Variants in ABHD15 observed in about 807,000 individuals in gnomAD.
The protein encoded by ABHD15 is protein ABHD15.
Under a neutral mutation model 34.4 loss-of-function variants are expected in ABHD15, and 34 were observed. The ratio of observed to expected loss-of-function variants is 0.99; its 90% CI spans 0.75 to 1.32. ABHD15 has a LOEUF of 1.32. Among genes scored for constraint, ABHD15 ranks in the 40% most tolerant of loss-of-function variants. The pLI is 0.00. For synonymous variants in ABHD15, 314 were observed against 299.2 expected (o/e 1.05, Z -0.51); for missense variants, 644 against 650.4 (o/e 0.99, Z 0.11).
chr17:29,566,629 A>G lies in ABHD15; in HGVS notation c.338T>C (p.Val113Ala), dbSNP rs2032719190. Residue 113 changes from valine (V) to alanine (A), a missense_variant, in exon 1 of 2, where the codon GTC (valine) becomes GCC (alanine). Coordinates refer to ENST00000307201, the MANE Select transcript of ABHD15 (RefSeq NM_198147.3). Reference sequence around the variant, plus strand: ...CTCAGGCCCAGGCGCTACGGGCAGGACGAAGTGGCAGAGGGTCTGCAGGTG... The same window carrying G: ...CTCAGGCCCAGGCGCTACGGGCAGGGCGAAGTGGCAGAGGGTCTGCAGGTG... ...GPHLQTLCHF[V>A]LPVAPGPELA... 1.9e-6 allele frequency: 3 copies of G among 1,607,624 alleles called. No homozygotes were observed. The highest frequency in any genetic ancestry group is 3.3e-5 in the Admixed American group (2 of 59,952).
Position 29,562,785 on chromosome 17 carries a change from G to A in ABHD15, c.1183C>T (p.Leu395=), listed in dbSNP as rs721478. 3.7e-6 allele frequency: 6 copies of A among 1,613,532 alleles called. No individual in the cohort carries two copies. The highest frequency in any genetic ancestry group is 1.1e-5 in the South Asian group (1 of 91,074). The change falls in exon 2 of 2, where the codon CTG becomes TTG. Residue 395 remains leucine, a synonymous_variant. Coordinates refer to ENST00000307201, the MANE Select transcript of ABHD15 (RefSeq NM_198147.3). ...CAGGCTGGCAAGGGCTCCTGGCGCAGGAAGCCACAGTGGCCTCCGTGGCGA... is the reference window on the plus strand; with the variant it reads ...CAGGCTGGCAAGGGCTCCTGGCGCAAGAAGCCACAGTGGCCTCCGTGGCGA... The part of the protein sequence containing the change: ...LSRHGGHCGF[L]RQEPLPAWSH...
Position 29,566,644 on chromosome 17 carries a change from G to A in ABHD15, c.323C>T (p.Thr108Ile), listed in dbSNP as rs997562937. Residue 108 changes from threonine to isoleucine, a missense_variant, in exon 1 of 2, where the codon ACC becomes ATC. Thr to Ile is a moderately conservative substitution (Grantham distance 89). Transcript: ENST00000307201. ...RSWFSGPHLQ[T>I]LCHFVLPVAP... is the part of the protein sequence containing the mutation. The stretch of plus-strand genomic sequence containing the variant: ...TACGGGCAGGACGAAGTGGCAGAGG[G>A]TCTGCAGGTGGGGCCCGGAGAACCA... 14 of 1,605,804 alleles carry A rather than the reference G, an allele frequency of 8.7e-6. No individual in the cohort carries two copies. The highest frequency in any genetic ancestry group is 1.2e-5 in the Non-Finnish European group (14 of 1,179,444).
intron 1 of ABHD15, among the ~76,000 whole-genome samples, chr17:29,565,731 C>T (rs1676008011): frequency 1.3e-5 from 2 of 152,178 alleles, no homozygotes; most frequent in South Asian, 4.1e-4. Flanking sequence ...CCAGAGTGCT[C>T]TTTGCTGAGC....
In ABHD15 at chr17:29,566,692, G is replaced by A. The variant is rs1234430227; in HGVS notation, c.275C>T (p.Ala92Val). 2 of 1,588,036 alleles carry A rather than the reference G, an allele frequency of 1.3e-6. No homozygotes were observed. The highest frequency in any genetic ancestry group is 1.7e-6 in the Non-Finnish European group (2 of 1,172,884). Residue 92 changes from alanine (A) to valine (V), a missense_variant, in exon 1 of 2, where the codon GCG (alanine) becomes GTG (valine). Transcript: ENST00000307201. Reference protein sequence around the residue: ...CLLRALRRSEALEAGPRSWFS... With the variant: ...CLLRALRRSEVLEAGPRSWFS... ...CCAGGAGCGCGGGCCGGCCTCCAGC[G>A]CCTCTGAGCGCCGCAGGGCGCGCAG...
chr17:29,562,546 C>T lies in ABHD15; in HGVS notation c.*15G>A. 1 of 1,603,808 alleles carries T rather than the reference C, an allele frequency of 6.2e-7. No individual in the cohort carries two copies. The highest frequency in any genetic ancestry group is 8.5e-7 in the Non-Finnish European group (1 of 1,173,790). On this transcript the variant is annotated 3_prime_UTR_variant, in exon 2 of 2. Transcript: ENST00000307201. ...TTTTTCTTTGCAGGACTTGGGGGTT[C>T]TCAGGCCAGGTCTTTCACCTTGTGT...
Position 29,566,452 on chromosome 17 carries a change from C to A in ABHD15, c.515G>T (p.Arg172Leu), listed in dbSNP as rs769028784. The change falls in exon 1 of 2, where the codon CGC becomes CTC. Residue 172 changes from arginine (R) to leucine (L), a missense_variant. Physicochemically the swap from Arg to Leu is moderately radical, Grantham distance 102 (BLOSUM62 -2). Transcript: ENST00000307201. ...GAGCAAGCAAAGGCCGAGCACGTTG[C>A]GGGTGAGGCGACCCCACGCATTGGG... ...VIPNAWGRLT[R>L]NVLGLCLLAL... is the part of the protein sequence containing the mutation. 8.7e-6 allele frequency: 14 copies of A among 1,612,172 alleles called. No individual in the cohort carries two copies. Among genetic ancestry groups the A allele is most frequent in the Non-Finnish European group, 1.1e-5 (13 of 1,179,804 alleles).
At position 29,562,612 on chromosome 17, in the gene ABHD15, G is replaced by A. The variant is rs763348862; in HGVS notation, c.1356C>T (p.Ser452=). 3 of 1,614,034 alleles carry A rather than the reference G, an allele frequency of 1.9e-6. No individual in the cohort carries two copies. The highest frequency in any genetic ancestry group is 1.7e-6 in the Non-Finnish European group (2 of 1,180,010). ...TAAAGATCTCCTCCAGGTTGGAAGA[G>A]GAAGAGACTTCCCGCCTCTGCAAGG... ...GGALQRREVS[S]SSNLEEIFNW... is the part of the protein sequence containing the mutation. The change falls in exon 2 of 2, where the codon TCC becomes TCT. Residue 452 remains serine, a synonymous_variant. Transcript: ENST00000307201.
At position 29,562,516 on chromosome 17, in the gene ABHD15, C is replaced by A; in HGVS notation, c.*45G>T. 2.6e-6 allele frequency: 4 copies of A among 1,563,306 alleles called. No homozygotes were observed. Among genetic ancestry groups the A allele is most frequent in the Non-Finnish European group, 3.5e-6 (4 of 1,154,328 alleles). ...CTTTCCAGGACTCCCCCTTGCCCAG[C>A]TCTGTTTTTCTTTGCAGGACTTGGG... On this transcript the variant is annotated 3_prime_UTR_variant, in exon 2 of 2. Coordinates refer to ENST00000307201, the MANE Select transcript of ABHD15 (RefSeq NM_198147.3).
chr17:29,565,146 C>G (rs964690723), intron 1 of ABHD15, among the ~76,000 whole-genome samples: 5 of 151,940 alleles, frequency 3.3e-5, no homozygotes, highest in Non-Finnish European at 5.9e-5. Flanking sequence ...TAGTCCCCAG[C>G]CACTTCAGAG....
At position 29,562,792 on chromosome 17, in the gene ABHD15, AC is replaced by A; in HGVS notation, c.1175del (p.Cys392LeufsTer24). 1 of 1,613,460 alleles carries A rather than the reference AC, an allele frequency of 6.2e-7. No homozygotes were observed. Among genetic ancestry groups the A allele is most frequent in the South Asian group, 1.1e-5 (1 of 91,082 alleles). ...GCAAGGGCTCCTGGCGCAGGAAGCC[AC>A]AGTGGCCTCCGTGGCGACTGAGCAG... ...FLLLSRHGGHCGFLRQEPLPA... is the reference protein window; with the variant it reads ...FLLLSRHGGHXGFLRQEPLPA... On this transcript the variant is annotated frameshift_variant, in exon 2 of 2. Transcript: ENST00000307201. LOFTEE classifies it high-confidence loss of function.
Position 29,566,796 on chromosome 17 carries a change from G to T in ABHD15, c.171C>A (p.Asp57Glu). The change falls in exon 1 of 2, where the codon GAC becomes GAA. Residue 57 changes from aspartate (D) to glutamate (E), a missense_variant. Physicochemically the swap from Asp to Glu is conservative, Grantham distance 45. Transcript: ENST00000307201. The stretch of plus-strand genomic sequence containing the variant: ...GTGGCTCGCGCCCGTCGCTGAACTG[G>T]TCCGCCGGGCCTCCGCCGTCCGCCT... The part of the protein sequence containing the change: ...GEEADGGGPA[D>E]QFSDGREPLP... The T allele has an allele frequency of 1.3e-6, 2 of 1,513,882 alleles. No individual in the cohort carries two copies. Among genetic ancestry groups the T allele is most frequent in the Non-Finnish European group, 1.8e-6 (2 of 1,138,592 alleles). The allele number at this position is 1,513,882 out of a possible 1,614,324, so 93.8% of individuals were successfully genotyped here.
chr17:29,563,137 G>C (rs1321290131), intron 1 of ABHD15, 51 bp from the exon 2 acceptor site: 3 of 1,554,382 alleles, frequency 1.9e-6, no homozygotes, highest in Non-Finnish European at 1.7e-6. Context: ...GGAAGAATGA[G>C]AACATCAGGT....
At chr17:29,564,751 G>C (rs906229310) in intron 1 of ABHD15, among the ~76,000 whole-genome samples, 1 of 152,296 alleles carries the variant, frequency 6.6e-6, no homozygotes, top group East Asian at 1.9e-4. Context: ...CTACTCGGGA[G>C]GCTGAGGTGG....
chr17:29,562,966 G>A lies in ABHD15; in HGVS notation c.1002C>T (p.Thr334=). ...GGAGCGGGTCGTTGCGGTCCCAGTAGGTATCCCAGCTGATGGGGAAGCTTT... is the reference window on the plus strand; with the variant it reads ...GGAGCGGGTCGTTGCGGTCCCAGTAAGTATCCCAGCTGATGGGGAAGCTTT... The part of the protein sequence containing the change: ...HTKSFPISWD[T]YWDRNDPLRD... The change falls in exon 2 of 2, where the codon ACC becomes ACT. Residue 334 remains threonine (T), a synonymous_variant. Coordinates refer to ENST00000307201, the MANE Select transcript of ABHD15 (RefSeq NM_198147.3). 2 of 1,614,022 alleles carry A rather than the reference G, an allele frequency of 1.2e-6. No homozygotes were observed. Among genetic ancestry groups the A allele is most frequent in the Non-Finnish European group, 1.7e-6 (2 of 1,180,034 alleles).
At position 29,566,652 on chromosome 17, in the gene ABHD15, G is replaced by C; in HGVS notation, c.315C>G (p.His105Gln). The C allele has an allele frequency of 6.2e-7, 1 of 1,604,262 alleles. No individual in the cohort carries two copies. The highest frequency in any genetic ancestry group is 8.5e-7 in the Non-Finnish European group (1 of 1,179,078). ...GGACGAAGTGGCAGAGGGTCTGCAG[G>C]TGGGGCCCGGAGAACCAGGAGCGCG... Reference protein sequence around the residue: ...AGPRSWFSGPHLQTLCHFVLP... With the variant: ...AGPRSWFSGPQLQTLCHFVLP... Residue 105 changes from histidine to glutamine, a missense_variant, in exon 1 of 2, where the codon CAC becomes CAG. Transcript: ENST00000307201.
At position 29,566,459 on chromosome 17, in the gene ABHD15, G is replaced by A; in HGVS notation, c.508C>T (p.Leu170Phe). 6.2e-7 allele frequency: 1 copy of A among 1,612,328 alleles called. No homozygotes were observed. The highest frequency in any genetic ancestry group is 1.7e-5 in the Admixed American group (1 of 59,988). The change falls in exon 1 of 2, where the codon CTC becomes TTC. Residue 170 changes from leucine to phenylalanine, a missense_variant. Coordinates refer to ENST00000307201, the MANE Select transcript of ABHD15 (RefSeq NM_198147.3). The part of the protein sequence containing the change: ...LLVIPNAWGR[L>F]TRNVLGLCLL... ...CAAAGGCCGAGCACGTTGCGGGTGA[G>A]GCGACCCCACGCATTGGGGATCACC...
Position 29,566,845 on chromosome 17 carries a change from G to A in ABHD15, c.122C>T (p.Ala41Val). ...CTCCTCCCCGTCGTCTCGGTCTTGGGCCCCCGGCAGGGTCCTCTCTCCGAC... is the reference window on the plus strand; with the variant it reads ...CTCCTCCCCGTCGTCTCGGTCTTGGACCCCCGGCAGGGTCCTCTCTCCGAC... ...RAVGERTLPGAQDRDDGEEAD... is the reference protein window; with the variant it reads ...RAVGERTLPGVQDRDDGEEAD... Residue 41 changes from alanine to valine, a missense_variant, in exon 1 of 2, where the codon GCC becomes GTC. Transcript: ENST00000307201. 4 of 1,514,576 alleles carry A rather than the reference G, an allele frequency of 2.6e-6. No homozygotes were observed. The highest frequency in any genetic ancestry group is 2.6e-6 in the Non-Finnish European group (3 of 1,139,512). 93.8% of individuals were successfully genotyped at this position (1,514,576 alleles called of 1,614,324 possible).
At chr17:29,563,383 C>T (rs2032659092) in intron 1 of ABHD15, among the ~76,000 whole-genome samples, 1 of 126,414 alleles carries the variant, frequency 7.9e-6, no homozygotes, top group East Asian at 2.0e-4. Flanking sequence ...AAACCCATCT[C>T]TAAAAAAAAA....
rs1188531331 is a variant in ABHD15 at position 29,562,638 on chromosome 17, C to A, written c.1330G>T (p.Ala444Ser). The A allele has an allele frequency of 1.2e-6, 2 of 1,614,114 alleles. No individual in the cohort carries two copies. The highest frequency in any genetic ancestry group is 2.2e-5 in the South Asian group (2 of 91,076). ...SFLGGRRRGG[A>S]LQRREVSSSS... ...GAAGAGACTTCCCGCCTCTGCAAGG[C>A]TCCCCCACGACGACGGCCCCCAAGG... Residue 444 changes from alanine (A) to serine (S), a missense_variant, in exon 2 of 2, where the codon GCC becomes TCC. Ala to Ser is a moderately conservative substitution (Grantham distance 99, BLOSUM62 1). Transcript: ENST00000307201.
Sources: gnomAD v4.1 joint callset for allele counts (sites outside exome capture counted in the v4.1 genomes callset) on GRCh38, gnomAD v4.1.1 for gene constraint, MANE v1.5 for transcripts, NCBI Gene and HGNC (gene_info 2026-07-23, HGNC 2026-07-21) for gene names.